The following ANXA4 variants were observed in gnomAD, a reference collection of about 807,000 sequenced individuals.
ANXA4 encodes annexin A4.
A neutral mutation model predicts 49.8 loss-of-function variants in ANXA4; 39 were observed. The ratio of observed to expected loss-of-function variants is 0.78; its 90% CI spans 0.61 to 1.02. ANXA4 has a LOEUF of 1.02. Among genes scored for constraint, ANXA4 ranks in the 50% least tolerant of loss-of-function variants. The pLI is 0.00. For missense variants in ANXA4, 360 were observed against 410.1 expected, an observed-to-expected ratio of 0.88 and a Z score of 1.05; for synonymous variants, 134 against 152.5, an observed-to-expected ratio of 0.88 and a Z score of 0.89.
intron 1 of ANXA4, among the ~76,000 whole-genome samples, chr2:69,752,096 G>A (rs1670867952): frequency 6.6e-6 from 1 of 152,200 alleles, no homozygotes. Flanking sequence ...TTTATATTGA[G>A]CCAGGGCTGG....
intron 2 of ANXA4, among the ~76,000 whole-genome samples, chr2:69,675,098 A>G (rs1479056951): frequency 6.6e-6 from 1 of 151,938 alleles, no homozygotes; most frequent in African/African-American, 2.4e-5. Flanking sequence ...AATTTTCTGT[A>G]TTTGTAGTAG....
intron 8 of ANXA4, among the ~76,000 whole-genome samples, chr2:69,814,547 C>T (rs999784133): frequency 4.6e-5 from 7 of 151,270 alleles, no homozygotes; most frequent in Admixed American, 6.6e-5. Flanking sequence ...TGGGGTTTTG[C>T]CATATTGCCC....
chr2:69,659,402 T>C (rs1676627139), intron 2 of ANXA4, among the ~76,000 whole-genome samples: 1 of 152,226 alleles, frequency 6.6e-6, no homozygotes. Context: ...AAGTGAGCAG[T>C]ATGATTAAAG....
intron 3 of ANXA4, among the ~76,000 whole-genome samples, chr2:69,792,633 C>T (rs1257295555): frequency 6.6e-6 from 1 of 151,836 alleles, no homozygotes; most frequent in African/African-American, 2.4e-5. Flanking sequence ...TTTGCTTAAA[C>T]CTTCTACTTT....
At chr2:69,772,829 A>G (rs1387981671) in intron 1 of ANXA4, among the ~76,000 whole-genome samples, 2 of 151,950 alleles carry the variant, frequency 1.3e-5, no homozygotes, top group African/African-American at 4.8e-5. Flanking sequence ...CCATCCTGGC[A>G]AACATGGTGA....
intron 2 of ANXA4, among the ~76,000 whole-genome samples, chr2:69,681,562 A>C (rs1573096589): frequency 6.6e-6 from 1 of 151,954 alleles, no homozygotes; most frequent in African/African-American, 2.4e-5. Context: ...ATGGGGTTTC[A>C]CCATGTTGGT....
intron 2 of ANXA4, among the ~76,000 whole-genome samples, chr2:69,782,632 G>A (rs1672247359): frequency 2.0e-5 from 3 of 152,202 alleles, no homozygotes; most frequent in African/African-American, 7.2e-5. Context: ...TGGGATTACA[G>A]GCATGAGCCA....
chr2:69,753,716 A>C (rs1670942763), intron 1 of ANXA4, among the ~76,000 whole-genome samples: 1 of 152,110 alleles, frequency 6.6e-6, no homozygotes, highest in Non-Finnish European at 1.5e-5. Flanking sequence ...GGCTGTTCAA[A>C]GGGGGTTGCC....
chr2:69,695,071 G>A (rs1415966586), intron 2 of ANXA4, among the ~76,000 whole-genome samples: 1 of 152,052 alleles, frequency 6.6e-6, no homozygotes, highest in Admixed American at 6.6e-5. Flanking sequence ...TTGAGCCCAG[G>A]AGGTCGAGGT....
rs762856510 is a variant in ANXA4, at chr2:69,810,593, G to A, written c.398-1G>A. On this transcript the variant is annotated splice_acceptor_variant, in intron 6 of 12. Transcript: ENST00000394295. LOFTEE classifies it high-confidence loss of function. The stretch of plus-strand genomic sequence containing the variant: ...AGTAGCTAATTTCACTCTCTTGCTA[G>A]AATATGGACGGAGCCTTGAAGATGA... 6.2e-7 allele frequency: 1 copy of A among 1,613,714 alleles called. No individual in the cohort carries two copies. Among genetic ancestry groups the A allele is most frequent in the Non-Finnish European group, 8.5e-7 (1 of 1,179,638 alleles).
chr2:69,696,938 G>A (rs1327846647), intron 2 of ANXA4, among the ~76,000 whole-genome samples: 1 of 152,176 alleles, frequency 6.6e-6, no homozygotes, highest in East Asian at 1.9e-4. Context: ...TACAGCACTG[G>A]CAGAGTAGAT....
intron 1 of ANXA4, among the ~76,000 whole-genome samples, chr2:69,762,703 A>C (rs753615129): frequency 6.8e-4 from 104 of 152,250 alleles, no homozygotes; most frequent in Non-Finnish European, 4.3e-4. Context: ...TTCGCGCCCC[A>C]ACACCTCTCG....
chr2:69,683,275 C>G (rs1677661388), intron 2 of ANXA4, among the ~76,000 whole-genome samples: 1 of 152,214 alleles, frequency 6.6e-6, no homozygotes, highest in Admixed American at 6.5e-5. Flanking sequence ...TGCAGACCCT[C>G]CTACTGCATA....
chr2:69,766,623 G>T (rs567380674), intron 1 of ANXA4, among the ~76,000 whole-genome samples: 36 of 152,170 alleles, frequency 2.4e-4, no homozygotes, highest in Non-Finnish European at 4.3e-4. Context: ...TTAGCAACTA[G>T]GCCAGGAAGT....
rs1275355491 is a variant in ANXA4, at chr2:69,774,413, A to G, written c.-46-7107A>G. On this transcript the variant is annotated intron_variant, in intron 1 of 12. Transcript: ENST00000394295. ...GAGAGCAGTGGCGCAATCTCAGCTCACTGCAACCTCCGCCTCCCAGGTTCA... is the reference window on the plus strand; with the variant it reads ...GAGAGCAGTGGCGCAATCTCAGCTCGCTGCAACCTCCGCCTCCCAGGTTCA... Among the ~76,000 whole-genome samples, 8 of 130,814 alleles carry G rather than the reference A, an allele frequency of 6.1e-5. No homozygotes were observed. The East Asian group carries it at 1.7e-3, about 27-fold the overall frequency. The allele number at this position is 130,814 out of a possible 152,430, so 85.8% of individuals were successfully genotyped here. A position where few individuals can be genotyped will look rare whatever the true frequency, so the allele number is the denominator to read the frequency against.
chr2:69,687,773 CGTGGGCTGCCGCGCCCAGCTTACAACT>C (rs1677840443), intron 2 of ANXA4, among the ~76,000 whole-genome samples: 1 of 152,078 alleles, frequency 6.6e-6, no homozygotes, highest in Non-Finnish European at 1.5e-5. Context: ...GGATTACAGG[CGTGGGCTGCCGCGCCCAGCTTACAACT>C]ATCAATTTTA....
At chr2:69,819,389 C>T (rs776947822) in intron 11 of ANXA4, 51 bp downstream of exon 11, 2 of 1,412,310 alleles carry the variant, frequency 1.4e-6, no homozygotes, top group Admixed American at 1.9e-5. Context: ...ATCTTGTGTC[C>T]ACCTTCTTAA....
At chr2:69,650,901 T>C (rs1348069365) in intron 1 of ANXA4, among the ~76,000 whole-genome samples, 7 of 152,258 alleles carry the variant, frequency 4.6e-5, no homozygotes, top group Non-Finnish European at 1.0e-4. Flanking sequence ...TTAGTGAGGC[T>C]GAACAATTTT....
At chr2:69,660,339 C>G (rs767632704) in intron 2 of ANXA4, among the ~76,000 whole-genome samples, 14 of 152,140 alleles carry the variant, frequency 9.2e-5, no homozygotes, top group Non-Finnish European at 1.5e-4. Context: ...TAAAATCACT[C>G]TGGATACTCC....
Sources: allele counts gnomAD v4.1 joint callset (sites outside exome capture counted in the v4.1 genomes callset), GRCh38; gene constraint gnomAD v4.1.1; transcripts MANE v1.5; gene names NCBI Gene and HGNC (gene_info 2026-07-23, HGNC 2026-07-21).